LSP1: variants seen among roughly 807,000 people sequenced by gnomAD.
The protein encoded by LSP1 is lymphocyte specific protein 1.
LSP1 carries 32 observed loss-of-function variants against 49.3 expected under a neutral mutation model. The ratio of observed to expected loss-of-function variants is 0.65; its 90% CI spans 0.49 to 0.87. LSP1 has a LOEUF of 0.87. Among genes scored for constraint, LSP1 ranks in the 40% least tolerant of loss-of-function variants. The pLI, the probability that LSP1 is intolerant of heterozygous loss-of-function variation, is 0.00. For synonymous variants in LSP1, 179 were observed against 178.8 expected, an observed-to-expected ratio of 1.00 and a Z score of -0.01; for missense variants, 428 against 442.6, an observed-to-expected ratio of 0.97 and a Z score of 0.30.
intron 1 of LSP1, among the ~76,000 whole-genome samples, chr11:1,869,478 G>A (rs1847903445): frequency 6.6e-6 from 1 of 151,992 alleles, no homozygotes; most frequent in Non-Finnish European, 1.5e-5. Context: ...CAGGGTGGTG[G>A]CAGGATGGGA....
At chr11:1,866,525 T>C in intron 1 of LSP1, 1 of 1,529,816 alleles carries the variant, frequency 6.5e-7, no homozygotes, top group Non-Finnish European at 8.8e-7. Flanking sequence ...GTCACCTGAG[T>C]TCAGGACCAG....
At chr11:1,875,726 G>T (rs1243069835) in intron 1 of LSP1, among the ~76,000 whole-genome samples, 3 of 152,200 alleles carry the variant, frequency 2.0e-5, no homozygotes, top group African/African-American at 7.2e-5. Flanking sequence ...AGAGGCCCCG[G>T]GGGGGAGGCT....
At chr11:1,890,387 C>G (rs748594980) in intron 10 of LSP1, 12 of 716,806 alleles carry the variant, frequency 1.7e-5, no homozygotes, top group Non-Finnish European at 2.6e-5. Flanking sequence ...TCACGGGGGA[C>G]AGGGAGGTGC....
Position 1,890,055 on chromosome 11 carries a change from TG to T in LSP1, c.*14-1715del, listed in dbSNP as rs1472962022. 9.9e-6 allele frequency: 7 copies of T among 708,388 alleles called. No individual in the cohort carries two copies. In the African/African-American group the frequency reaches 1.2e-4, roughly 12 times the overall value. The allele number at this position is 708,388 out of a possible 1,614,324, so 43.9% of individuals were successfully genotyped here. ...CAGCTGGATGTGCACCTGGGTGACG[TG>T]GGTGCCCCCACCCCCAGAGACAGGG... On this transcript the variant is annotated intron_variant, in intron 10 of 10. Transcript: ENST00000311604.
chr11:1,857,047 G>T (rs1338621467), intron 1 of LSP1, among the ~76,000 whole-genome samples: 2 of 152,224 alleles, frequency 1.3e-5, no homozygotes, highest in African/African-American at 2.4e-5. Flanking sequence ...TCCCTGGGGA[G>T]GTCCCCTTCC....
At chr11:1,870,867 G>T (rs944081427) in intron 1 of LSP1, 2 of 986,440 alleles carry the variant, frequency 2.0e-6, no homozygotes, top group Admixed American at 6.1e-5. Flanking sequence ...TGCCTCGTGA[G>T]CACGGCAAGA....
rs1847910170 is a variant in LSP1, at chr11:1,869,627, C to T, written c.54-10460C>T. 23 of 470,690 alleles carry T rather than the reference C, an allele frequency of 4.9e-5. No homozygotes were observed. The Middle Eastern group carries it at 9.8e-4, about 20-fold the overall frequency. The allele number at this position is 470,690 out of a possible 1,614,324, so 29.2% of individuals were successfully genotyped here. ...CTAGCAGGTGCCGGGGCAGAAGGCT[C>T]AGAGCCGCTGTCTCACACAGCTTCT... On this transcript the variant is annotated intron_variant, in intron 1 of 10. Transcript: ENST00000311604.
intron 1 of LSP1, among the ~76,000 whole-genome samples, chr11:1,857,185 G>T (rs892562181): frequency 6.6e-6 from 1 of 152,142 alleles, no homozygotes; most frequent in African/African-American, 2.4e-5. Flanking sequence ...GCACAAGTGG[G>T]AGCATCACAG....
intron 10 of LSP1, chr11:1,890,083 C>T (rs530281752): frequency 1.4e-5 from 10 of 715,458 alleles, no homozygotes; most frequent in Middle Eastern, 2.3e-4. Context: ...GAGACAGGGA[C>T]GAAGCCACTG....
chr11:1,853,176 A>C lies in LSP1; in HGVS notation c.32A>C (p.Glu11Ala). ...GAGGCTTCGAGTGACCCGGGTGCCGAGGAGCGGGAAGAGTTGCTGGGGTAA... is the reference window on the plus strand; with the variant it reads ...GAGGCTTCGAGTGACCCGGGTGCCGCGGAGCGGGAAGAGTTGCTGGGGTAA... MAEASSDPGA[E>A]EREELLGPTA... Residue 11 changes from glutamate to alanine, a missense_variant, in exon 1 of 11, where the codon GAG becomes GCG. Glu to Ala is a moderately radical substitution (Grantham distance 107). Transcript: ENST00000311604. 1 of 1,611,228 alleles carries C rather than the reference A, an allele frequency of 6.2e-7. No individual in the cohort carries two copies. The highest frequency in any genetic ancestry group is 8.5e-7 in the Non-Finnish European group (1 of 1,179,368).
At chr11:1,876,748 A>C in intron 1 of LSP1, 3 of 557,718 alleles carry the variant, frequency 5.4e-6, no homozygotes, top group Non-Finnish European at 4.6e-6. Context: ...AAGGAGAAGA[A>C]GGGCCAGCGT....
At chr11:1,889,193 G>C in intron 10 of LSP1, 1 of 675,124 alleles carries the variant, frequency 1.5e-6, no homozygotes, top group South Asian at 1.6e-5. Flanking sequence ...TCTTGGGCTG[G>C]GGGCTCAGCT....
At chr11:1,886,609 G>A (rs535297276) in intron 7 of LSP1, 123 bp from the exon 8 acceptor site, 47 of 1,121,106 alleles carry the variant, frequency 4.2e-5, no homozygotes, top group Non-Finnish European at 5.3e-5. Flanking sequence ...CTCTGGGGCT[G>A]CATTGGGAAA....
chr11:1,853,241 G>A lies in LSP1; in HGVS notation c.53+44G>A, dbSNP rs777815475. 1.1e-5 allele frequency: 17 copies of A among 1,588,968 alleles called. No individual in the cohort carries two copies. Among genetic ancestry groups the A allele is most frequent in the African/African-American group, 5.4e-5 (4 of 74,748 alleles). Reference sequence around the variant, plus strand: ...GCCCGGCGCCCTGTGCCGTGTCCACGGGTGCATAGTCCTTGAGCTGCATGG... The same window carrying A: ...GCCCGGCGCCCTGTGCCGTGTCCACAGGTGCATAGTCCTTGAGCTGCATGG... On this transcript the variant is annotated intron_variant, in intron 1 of 10. Transcript: ENST00000311604.
chr11:1,882,372 G>A (rs1848580926), intron 3 of LSP1, among the ~76,000 whole-genome samples: 1 of 152,132 alleles, frequency 6.6e-6, no homozygotes, highest in Non-Finnish European at 1.5e-5. Context: ...TGGCCCCTCT[G>A]AGGCCCTAAA....
In LSP1 at chr11:1,883,446, G is replaced by A. The variant is rs772183681; in HGVS notation, c.384G>A (p.Glu128=). The A allele has an allele frequency of 1.2e-6, 2 of 1,614,088 alleles. No individual in the cohort carries two copies. The highest frequency in any genetic ancestry group is 2.7e-5 in the African/African-American group (2 of 75,066). ...DRPGLHAYEK[E]DSDEVHLEEL... Reference sequence around the variant, plus strand: ...CCGGCCTGCATGCCTACGAAAAGGAGGACAGTGATGAAGTCCACCTGGAGG... The same window carrying A: ...CCGGCCTGCATGCCTACGAAAAGGAAGACAGTGATGAAGTCCACCTGGAGG... Residue 128 remains glutamate, a synonymous_variant, in exon 4 of 11, where the codon GAG becomes GAA. Transcript: ENST00000311604.
intron 1 of LSP1, 133 bp downstream of exon 1, chr11:1,853,330 C>A: frequency 4.4e-6 from 4 of 909,902 alleles, no homozygotes; most frequent in East Asian, 2.7e-5. Flanking sequence ...CTTGGATGTC[C>A]GATGGGGAAA....
rs368733267 is a variant in LSP1 at position 1,858,092 on chromosome 11, C to T, written c.53+4895C>T. Among the ~76,000 whole-genome samples the T allele has an allele frequency of 3.9e-5, 6 of 152,314 alleles. No homozygotes were observed. In the South Asian group the frequency reaches 1.2e-3, roughly 32 times the overall value. ...TTTTAAACCAAGGCTCTTGTTTCAT[C>T]CCCCGGAGCTGTGAGGCAGGTCCCT... On this transcript the variant is annotated intron_variant, in intron 1 of 10. Transcript: ENST00000311604.
intron 1 of LSP1, chr11:1,859,421 A>C (rs565475024): frequency 6.5e-6 from 1 of 153,218 alleles, no homozygotes; most frequent in Non-Finnish European, 1.5e-5. Flanking sequence ...AGAGAAGAGC[A>C]CGTCCCCCTC....
Sources: gnomAD v4.1 joint callset for allele counts (sites outside exome capture counted in the v4.1 genomes callset) on GRCh38, gnomAD v4.1.1 for gene constraint, MANE v1.5 for transcripts, NCBI Gene and HGNC (gene_info 2026-07-23, HGNC 2026-07-21) for gene names.